The following ABI1 variants were observed in gnomAD, a reference collection of about 807,000 sequenced individuals.
ABI1 encodes the protein Abelson interactor 1.
In ABI1, 14 loss-of-function variants were observed where a neutral mutation model predicts 54.6. The ratio of observed to expected loss-of-function variants is 0.26; its 90% CI spans 0.17 to 0.40. The LOEUF (loss-of-function observed/expected upper bound fraction) is 0.40, where lower values mean the gene tolerates loss of function less well. ABI1 is among the 10% of genes least tolerant of loss of function. The probability of loss-of-function intolerance (pLI) is 1.00; values close to 1 mark genes in which losing one functional copy is unlikely to be tolerated. For missense variants in ABI1, 443 were observed against 598.3 expected (o/e 0.74, Z 2.71); for synonymous variants, 194 against 209.3 (o/e 0.93, Z 0.63).
rs1837580323 is a variant in ABI1, at chr10:26,751,203, A to G, written c.1270+395T>C. Among the ~76,000 whole-genome samples, 3 of 152,338 alleles carry G rather than the reference A, an allele frequency of 2.0e-5. No individual in the cohort carries two copies. In the South Asian group the frequency reaches 6.2e-4, roughly 32 times the overall value. ...TAAAGTTGAAAAGATCCTAAAGTGA[A>G]CCATCATAAATCAGGGACCGTCCAT... On this transcript the variant is annotated intron_variant, in intron 10 of 10. Coordinates refer to ENST00000376140, the MANE Select transcript of ABI1 (RefSeq NM_001012750.3).
rs1010760037 is a variant in ABI1 at position 26,747,159 on chromosome 10, A to G, written c.*1411T>C. ...ATTCACTATGCTGTTATAAGTCTGTAGCATCCAGTACATAACTGTAATTTG... is the reference window on the plus strand; with the variant it reads ...ATTCACTATGCTGTTATAAGTCTGTGGCATCCAGTACATAACTGTAATTTG... On this transcript the variant is annotated 3_prime_UTR_variant, in exon 11 of 11. Transcript: ENST00000376140. 1.3e-5 allele frequency: 3 copies of G among 226,182 alleles called. No homozygotes were observed. Among genetic ancestry groups the G allele is most frequent in the South Asian group, 1.8e-4 (1 of 5,624 alleles). 14.0% of individuals were successfully genotyped at this position (226,182 alleles called of 1,614,324 possible).
intron 3 of ABI1, among the ~76,000 whole-genome samples, chr10:26,774,969 A>T (rs1255233269): frequency 6.6e-6 from 1 of 152,180 alleles, no homozygotes; most frequent in Non-Finnish European, 1.5e-5. Flanking sequence ...CTTACAAGTC[A>T]GTAAGAAAAG....
At chr10:26,848,405 A>C (rs16927348) in intron 1 of ABI1, among the ~76,000 whole-genome samples, 1 of 151,632 alleles carries the variant, frequency 6.6e-6, no homozygotes, top group African/African-American at 2.4e-5. Context: ...TTTAATTTTA[A>C]AACCGCCTAT....
At chr10:26,827,516 C>T (rs2048379069) in intron 1 of ABI1, among the ~76,000 whole-genome samples, 1 of 152,140 alleles carries the variant, frequency 6.6e-6, no homozygotes, top group African/African-American at 2.4e-5. Flanking sequence ...AGCCACCACG[C>T]CCAGCCTGGT....
At chr10:26,812,459 A>G (rs771786402) in intron 2 of ABI1, among the ~76,000 whole-genome samples, 37 of 152,250 alleles carry the variant, frequency 2.4e-4, no homozygotes, top group Admixed American at 3.9e-4. Context: ...AATGACACTT[A>G]TCAATCTACA....
intron 1 of ABI1, among the ~76,000 whole-genome samples, chr10:26,858,587 C>G (rs994839798): frequency 7.3e-6 from 1 of 136,300 alleles, no homozygotes; most frequent in East Asian, 2.2e-4. Flanking sequence ...TGTGGCTATT[C>G]GTGCACCATG....
At chr10:26,830,116 G>C (rs926963992) in intron 1 of ABI1, among the ~76,000 whole-genome samples, 1 of 152,128 alleles carries the variant, frequency 6.6e-6, no homozygotes, top group African/African-American at 2.4e-5. Context: ...ATTCATCCTT[G>C]TTACCGCTAA....
intron 2 of ABI1, among the ~76,000 whole-genome samples, chr10:26,784,751 G>A (rs147308142): frequency 2.2e-4 from 33 of 152,232 alleles, no homozygotes; most frequent in Admixed American, 2.0e-3. Context: ...ATTTGTTCCC[G>A]ACTTTAGCTG....
At chr10:26,854,801 T>C (rs995352961) in intron 1 of ABI1, among the ~76,000 whole-genome samples, 1 of 152,254 alleles carries the variant, frequency 6.6e-6, no homozygotes, top group Non-Finnish European at 1.5e-5. Flanking sequence ...ACCCAGAATA[T>C]TTCCACATAT....
At chr10:26,840,188 C>T (rs1369621860) in intron 1 of ABI1, among the ~76,000 whole-genome samples, 6 of 152,034 alleles carry the variant, frequency 3.9e-5, no homozygotes, top group Non-Finnish European at 8.8e-5. Flanking sequence ...GGGGAGGATC[C>T]CTCATGAATG....
intron 1 of ABI1, among the ~76,000 whole-genome samples, chr10:26,828,565 A>AC (rs1187894424): frequency 6.6e-6 from 1 of 152,184 alleles, no homozygotes; most frequent in South Asian, 2.1e-4. Context: ...AAAAGGAATT[A>AC]CCCCAAAGTA....
intron 2 of ABI1, among the ~76,000 whole-genome samples, chr10:26,816,437 C>T (rs1039429926): frequency 1.8e-4 from 28 of 151,782 alleles, no homozygotes; most frequent in Non-Finnish European, 1.9e-4. Context: ...AAAATGATAC[C>T]CATAAAAACT....
At chr10:26,780,682 C>T (rs1841996735) in intron 2 of ABI1, among the ~76,000 whole-genome samples, 1 of 152,148 alleles carries the variant, frequency 6.6e-6, no homozygotes, top group Non-Finnish European at 1.5e-5. Flanking sequence ...GCCAAGTTCT[C>T]CAAGTTCCCA....
At chr10:26,797,731 T>C (rs1844374293) in intron 2 of ABI1, among the ~76,000 whole-genome samples, 1 of 152,172 alleles carries the variant, frequency 6.6e-6, no homozygotes, top group Non-Finnish European at 1.5e-5. Flanking sequence ...AAAAAAAGCA[T>C]GGCTTGTCGA....
intron 2 of ABI1, among the ~76,000 whole-genome samples, chr10:26,818,757 C>T (rs767179652): frequency 2.0e-5 from 3 of 151,550 alleles, no homozygotes; most frequent in Non-Finnish European, 4.4e-5. Context: ...TCTGGGAGAC[C>T]GAGGTGGGTG....
intron 3 of ABI1, among the ~76,000 whole-genome samples, chr10:26,775,608 A>G (rs1339622328): frequency 1.3e-5 from 2 of 152,136 alleles, no homozygotes; most frequent in Admixed American, 1.3e-4. Flanking sequence ...CCTCCCACTT[A>G]CACATATACG....
intron 10 of ABI1, among the ~76,000 whole-genome samples, chr10:26,750,495 AAAAAT>A (rs1280841786): frequency 6.6e-6 from 1 of 152,234 alleles, no homozygotes; most frequent in Non-Finnish European, 1.5e-5. Flanking sequence ...CTCCATCTCA[AAAAAT>A]AAAAAAATAT....
intron 1 of ABI1, among the ~76,000 whole-genome samples, chr10:26,837,416 A>T (rs1341790460): frequency 1.4e-5 from 2 of 147,614 alleles, no homozygotes; most frequent in Non-Finnish European, 3.0e-5. Context: ...CACCTCCTTA[A>T]AGGCCCTAGC....
chr10:26,805,002 T>C (rs552725385), intron 2 of ABI1, among the ~76,000 whole-genome samples: 4 of 152,288 alleles, frequency 2.6e-5, no homozygotes, highest in African/African-American at 9.6e-5. Flanking sequence ...AGTAACTCTA[T>C]CCTGAGCTGA....
Sources: allele counts gnomAD v4.1 joint callset (sites outside exome capture counted in the v4.1 genomes callset), GRCh38; gene constraint gnomAD v4.1.1; transcripts MANE v1.5; gene names NCBI Gene and HGNC (gene_info 2026-07-23, HGNC 2026-07-21).